Variants in AFG1L observed in about 807,000 individuals in gnomAD.
The protein encoded by AFG1L is AFG1 like ATPase.
AFG1L carries 53 observed loss-of-function variants against 62.2 expected under a neutral mutation model. The ratio of observed to expected loss-of-function variants is 0.85; its 90% CI spans 0.68 to 1.07. AFG1L has a LOEUF of 1.07. AFG1L is among the 50% of genes least tolerant of loss of function. The pLI is 0.00. For synonymous variants in AFG1L, 228 were observed against 210.3 expected (o/e 1.08, Z -0.73); for missense variants, 555 against 590.5 (o/e 0.94, Z 0.62).
chr6:108,510,262 A>G lies in AFG1L; in HGVS notation c.1113A>G (p.Ile371Met), dbSNP rs1426869239. 4 of 1,612,170 alleles carry G rather than the reference A, an allele frequency of 2.5e-6. No individual in the cohort carries two copies. Among genetic ancestry groups the G allele is most frequent in the African/African-American group, 2.7e-5 (2 of 74,910 alleles). The change falls in exon 11 of 13, where the codon ATA (isoleucine) becomes ATG (methionine). Residue 371 changes from isoleucine to methionine, a missense_variant. Physicochemically the swap from Ile to Met is conservative, Grantham distance 10. Coordinates refer to ENST00000368977, the MANE Select transcript of AFG1L (RefSeq NM_145315.5). ...YLELSKNFDT[I>M]FLRNIPQFTL... Reference sequence around the variant, plus strand: ...AACTATCAAAGAATTTTGATACAATATTTTTACGAAACATTCCGCAATTTA... The same window carrying G: ...AACTATCAAAGAATTTTGATACAATGTTTTTACGAAACATTCCGCAATTTA...
chr6:108,316,533 AT>A (rs544278061), intron 1 of AFG1L, among the ~76,000 whole-genome samples: 37,115 of 124,802 alleles, frequency 0.3, 5,704 homozygotes, highest in East Asian at 0.51. Flanking sequence ...GTACACTCTG[AT>A]TTTTTTTTTT....
chr6:108,404,895 A>G (rs574811860), intron 7 of AFG1L, among the ~76,000 whole-genome samples: 1 of 151,794 alleles, frequency 6.6e-6, no homozygotes, highest in East Asian at 1.9e-4. Context: ...ACACCAGGCT[A>G]ATTTTTGTAT....
intron 11 of AFG1L, 100 bp from the exon 12 acceptor site, chr6:108,519,597 C>T: frequency 1.5e-6 from 1 of 667,946 alleles, no homozygotes; most frequent in South Asian, 1.8e-5. Context: ...GATCCAAGCT[C>T]CTGTATGTGA....
intron 7 of AFG1L, among the ~76,000 whole-genome samples, chr6:108,426,293 A>C (rs1770814212): frequency 6.6e-6 from 1 of 152,098 alleles, no homozygotes; most frequent in South Asian, 2.1e-4. Flanking sequence ...CTTGTGGGTA[A>C]ATTTACTGGA....
intron 7 of AFG1L, among the ~76,000 whole-genome samples, chr6:108,425,990 A>AG (rs1770799451): frequency 6.6e-6 from 1 of 152,226 alleles, no homozygotes; most frequent in Non-Finnish European, 1.5e-5. Context: ...CAGTGAAATG[A>AG]CAAAAAGTTG....
chr6:108,299,432 T>C (rs1776895434), intron 1 of AFG1L, among the ~76,000 whole-genome samples: 1 of 152,112 alleles, frequency 6.6e-6, no homozygotes, highest in African/African-American at 2.4e-5. Context: ...TTGGGCAATG[T>C]AATCAAAAGA....
intron 2 of AFG1L, among the ~76,000 whole-genome samples, chr6:108,328,562 T>A (rs1391757451): frequency 3.3e-5 from 5 of 151,412 alleles, no homozygotes; most frequent in African/African-American, 1.2e-4. Context: ...ACCCAGCTAA[T>A]TTTTTGTATT....
rs1218434785 is a variant in AFG1L, at chr6:108,482,637, A to G, written c.1062+5345A>G. ...TCCTTAGGCTTCTCTTGGCTATGGC[A>G]GTTTCTCACAGACTTTTCGTTTTTG... On this transcript the variant is annotated intron_variant, in intron 10 of 12. Transcript: ENST00000368977. 2.6e-5 allele frequency among the ~76,000 whole-genome samples: 4 copies of G among 152,240 alleles called. No individual in the cohort carries two copies. In the South Asian group the frequency reaches 6.2e-4, roughly 24 times the overall value.
chr6:108,402,002 A>G lies in AFG1L; in HGVS notation c.755A>G (p.Tyr252Cys), dbSNP rs750004670. Residue 252 changes from tyrosine to cysteine, a missense_variant, in exon 7 of 13, where the codon TAT (tyrosine) becomes TGT (cysteine). Tyr to Cys is a radical substitution (Grantham distance 194). Coordinates refer to ENST00000368977, the MANE Select transcript of AFG1L (RefSeq NM_145315.5). ...ATSNRPPEDL[Y>C]KNGLQRANFV... ...TATCATTTTTTTCTTTCAGATCTCT[A>G]TAAAAATGGACTCCAAAGAGCTAAC... 1.4e-6 allele frequency: 2 copies of G among 1,470,234 alleles called. No homozygotes were observed. Among genetic ancestry groups the G allele is most frequent in the Admixed American group, 2.2e-5 (1 of 45,480 alleles). The allele number at this position is 1,470,234 out of a possible 1,614,324, so 91.1% of individuals were successfully genotyped here.
intron 6 of AFG1L, among the ~76,000 whole-genome samples, chr6:108,385,626 A>C (rs536153436): frequency 1.3e-5 from 2 of 151,932 alleles, no homozygotes; most frequent in Non-Finnish European, 2.9e-5. Context: ...TCCACACGCT[A>C]TATTTCTGTA....
intron 6 of AFG1L, among the ~76,000 whole-genome samples, chr6:108,389,838 A>G (rs1482818846): frequency 6.6e-6 from 1 of 152,126 alleles, no homozygotes; most frequent in Admixed American, 6.5e-5. Flanking sequence ...ACTTTGATGA[A>G]TCTGACAATT....
intron 8 of AFG1L, among the ~76,000 whole-genome samples, chr6:108,450,422 A>G (rs1313302087): frequency 2.6e-5 from 4 of 152,120 alleles, no homozygotes; most frequent in Non-Finnish European, 4.4e-5. Context: ...GTCTGTTCAT[A>G]TCCTTCGCCC....
chr6:108,355,018 T>C (rs1279359539), intron 3 of AFG1L, among the ~76,000 whole-genome samples: 2 of 152,180 alleles, frequency 1.3e-5, no homozygotes, highest in Admixed American at 1.3e-4. Flanking sequence ...GTGTTACAAT[T>C]GACAATTCTC....
rs779319803 is a variant in AFG1L, at chr6:108,355,647, T to G, written c.416-7T>G. ...ATAGTATTCTTAAAATTTTTTTTATTTTTAAGGTACAGGAAAAACAATGGT... is the reference window on the plus strand; with the variant it reads ...ATAGTATTCTTAAAATTTTTTTTATGTTTAAGGTACAGGAAAAACAATGGT... On this transcript the variant is annotated splice_region_variant and splice_polypyrimidine_tract_variant and intron_variant, in intron 3 of 12. Coordinates refer to ENST00000368977, the MANE Select transcript of AFG1L (RefSeq NM_145315.5). 6.4e-7 allele frequency: 1 copy of G among 1,555,344 alleles called. No homozygotes were observed. Among genetic ancestry groups the G allele is most frequent in the South Asian group, 1.2e-5 (1 of 83,472 alleles).
intron 7 of AFG1L, among the ~76,000 whole-genome samples, chr6:108,444,257 A>G (rs544136753): frequency 5.9e-5 from 9 of 152,314 alleles, no homozygotes; most frequent in African/African-American, 1.9e-4. Context: ...TAAGTGTGCA[A>G]TGGTATTATG....
intron 7 of AFG1L, among the ~76,000 whole-genome samples, chr6:108,417,751 C>T (rs566282958): frequency 6.6e-6 from 1 of 152,136 alleles, no homozygotes; most frequent in South Asian, 2.1e-4. Context: ...GATCATATGA[C>T]ATAGTATCTT....
intron 8 of AFG1L, among the ~76,000 whole-genome samples, chr6:108,459,883 A>G (rs1197602415): frequency 6.6e-6 from 1 of 152,238 alleles, no homozygotes; most frequent in African/African-American, 2.4e-5. Flanking sequence ...ATCCATCAAA[A>G]TGTAGACTGT....
At chr6:108,492,284 C>T (rs1273480628) in intron 10 of AFG1L, among the ~76,000 whole-genome samples, 1 of 150,990 alleles carries the variant, frequency 6.6e-6, no homozygotes, top group East Asian at 2.0e-4. Context: ...ATCTCAAAGC[C>T]AGACAAATGT....
At chr6:108,352,564 A>G (rs866435575) in intron 3 of AFG1L, among the ~76,000 whole-genome samples, 1 of 152,234 alleles carries the variant, frequency 6.6e-6, no homozygotes, top group African/African-American at 2.4e-5. Context: ...GTTTATGATG[A>G]TGATTATTAT....
Sources: gnomAD v4.1 joint callset for allele counts (sites outside exome capture counted in the v4.1 genomes callset) on GRCh38, gnomAD v4.1.1 for gene constraint, MANE v1.5 for transcripts, NCBI Gene and HGNC (gene_info 2026-07-23, HGNC 2026-07-21) for gene names.